Variants in PRKCA observed in about 807,000 individuals in gnomAD.
PRKCA encodes the protein protein kinase C alpha.
PRKCA carries 27 observed loss-of-function variants against 87.0 expected under a neutral mutation model. The observed-to-expected ratio is 0.31, with a 90% CI of 0.23 to 0.43. PRKCA has a LOEUF of 0.43. Among genes scored for constraint, PRKCA ranks in the 20% least tolerant of loss-of-function variants. The pLI, the probability that PRKCA is intolerant of heterozygous loss-of-function variation, is 1.00. For synonymous variants in PRKCA, 329 were observed against 311.1 expected (o/e 1.06, Z -0.61); for missense variants, 518 against 852.3 (o/e 0.61, Z 4.88).
chr17:66,636,210 C>A, intron 3 of PRKCA, among the ~76,000 whole-genome samples: 1 of 152,150 alleles, frequency 6.6e-6, no homozygotes. Flanking sequence ...GTTTTTAGGA[C>A]GAGTTGCTCT....
At chr17:66,608,948 C>G (rs1970279750) in intron 3 of PRKCA, among the ~76,000 whole-genome samples, 1 of 152,202 alleles carries the variant, frequency 6.6e-6, no homozygotes, top group South Asian at 2.1e-4. Flanking sequence ...TTGGGCAGCA[C>G]AATCAATCCG....
intron 2 of PRKCA, among the ~76,000 whole-genome samples, chr17:66,306,941 G>A (rs1239598255): frequency 1.3e-5 from 2 of 152,052 alleles, no homozygotes; most frequent in East Asian, 1.9e-4. Context: ...TCTGGGCATA[G>A]ATTTATTATT....
At chr17:66,549,524 G>C (rs1226614265) in intron 3 of PRKCA, among the ~76,000 whole-genome samples, 2 of 152,216 alleles carry the variant, frequency 1.3e-5, no homozygotes, top group African/African-American at 4.8e-5. Context: ...GGGAATGACA[G>C]TGCATTTGCC....
chr17:66,760,584 A>T (rs1974660597), intron 13 of PRKCA, among the ~76,000 whole-genome samples: 2 of 152,226 alleles, frequency 1.3e-5, no homozygotes, highest in South Asian at 4.1e-4. Context: ...GAAAACAGGG[A>T]AAGTCAACAA....
intron 2 of PRKCA, among the ~76,000 whole-genome samples, chr17:66,331,931 A>T (rs893273421): frequency 2.0e-5 from 3 of 152,238 alleles, no homozygotes; most frequent in African/African-American, 7.2e-5. Flanking sequence ...CCAAGACAAT[A>T]TAAACTACGC....
chr17:66,370,952 A>G (rs911994139), intron 2 of PRKCA, among the ~76,000 whole-genome samples: 2 of 152,216 alleles, frequency 1.3e-5, no homozygotes, highest in African/African-American at 4.8e-5. Flanking sequence ...ATGCAGGGGC[A>G]GGCTGGTTTG....
At chr17:66,481,462 A>G (rs922270114) in intron 2 of PRKCA, among the ~76,000 whole-genome samples, 8 of 151,984 alleles carry the variant, frequency 5.3e-5, no homozygotes, top group Non-Finnish European at 1.2e-4. Flanking sequence ...TCCTGATTTC[A>G]TGTAAGAGTG....
chr17:66,649,136 C>T (rs904861156), intron 5 of PRKCA, among the ~76,000 whole-genome samples: 1 of 151,752 alleles, frequency 6.6e-6, no homozygotes, highest in Non-Finnish European at 1.5e-5. Flanking sequence ...AATAGGTACC[C>T]GCATTAGTTA....
At chr17:66,505,358 C>G (rs958076178) in intron 3 of PRKCA, among the ~76,000 whole-genome samples, 1 of 152,200 alleles carries the variant, frequency 6.6e-6, no homozygotes, top group South Asian at 2.1e-4. Context: ...GTATTTGCCC[C>G]GTTGTCTGCA....
intron 2 of PRKCA, among the ~76,000 whole-genome samples, chr17:66,372,237 T>C (rs999472751): frequency 1.7e-4 from 26 of 152,200 alleles, no homozygotes; most frequent in Admixed American, 1.7e-3. Context: ...GAAACACTAT[T>C]TTAGTCCAGC....
At chr17:66,377,273 C>T (rs1909476410) in intron 2 of PRKCA, among the ~76,000 whole-genome samples, 1 of 151,986 alleles carries the variant, frequency 6.6e-6, no homozygotes, top group Admixed American at 6.6e-5. Context: ...GATCCTCCTG[C>T]CTCAGCCTTC....
At chr17:66,347,103 T>C (rs971103554) in intron 2 of PRKCA, among the ~76,000 whole-genome samples, 3 of 152,116 alleles carry the variant, frequency 2.0e-5, no homozygotes, top group African/African-American at 7.2e-5. Context: ...ATATTGGTCA[T>C]ATTAGAAATT....
At position 66,689,095 on chromosome 17, in the gene PRKCA, A is replaced by G. The variant is rs1598875398; in HGVS notation, c.918+48A>G. ...AAACACCTTTCCTTTAGAAAGCCCA[A>G]CTTCAGGAACGGCCGAGATGTTGTG... On this transcript the variant is annotated intron_variant, in intron 8 of 16. Coordinates refer to ENST00000413366, the MANE Select transcript of PRKCA (RefSeq NM_002737.3). The surrounding 1 kb of genome is among the most constrained non-coding windows in gnomAD (Gnocchi z 4.1). 4 of 1,243,260 alleles carry G rather than the reference A, an allele frequency of 3.2e-6. No individual in the cohort carries two copies. The highest frequency in any genetic ancestry group is 4.5e-6 in the Non-Finnish European group (4 of 879,324). The allele number at this position is 1,243,260 out of a possible 1,614,324, so 77.0% of individuals were successfully genotyped here.
chr17:66,711,123 G>T (rs990425410), intron 8 of PRKCA, among the ~76,000 whole-genome samples: 1 of 152,104 alleles, frequency 6.6e-6, no homozygotes, highest in Non-Finnish European at 1.5e-5. Flanking sequence ...AGTGATTAAA[G>T]TTCAAGTCTG....
chr17:66,647,758 G>A (rs1971493284), intron 5 of PRKCA, among the ~76,000 whole-genome samples: 1 of 152,168 alleles, frequency 6.6e-6, no homozygotes, highest in South Asian at 2.1e-4. Context: ...TGTAGAGTCA[G>A]CTTAAGGAAC....
intron 3 of PRKCA, among the ~76,000 whole-genome samples, chr17:66,563,260 A>G (rs1215168480): frequency 6.6e-6 from 1 of 152,184 alleles, no homozygotes; most frequent in Non-Finnish European, 1.5e-5. Flanking sequence ...CAAATGTGTC[A>G]TGGCCCGTAT....
intron 2 of PRKCA, among the ~76,000 whole-genome samples, chr17:66,430,295 A>G (rs1913036246): frequency 6.6e-6 from 1 of 151,954 alleles, no homozygotes; most frequent in African/African-American, 2.4e-5. Context: ...TGTGGTGCCC[A>G]TCCGGCATCA....
chr17:66,333,860 A>T (rs1322637577), intron 2 of PRKCA, among the ~76,000 whole-genome samples: 3 of 152,124 alleles, frequency 2.0e-5, no homozygotes, highest in African/African-American at 4.8e-5. Context: ...TATACTTTTT[A>T]AAAAAATGTG....
At chr17:66,375,339 C>T (rs376534788) in intron 2 of PRKCA, among the ~76,000 whole-genome samples, 50 of 152,114 alleles carry the variant, frequency 3.3e-4, no homozygotes, top group Admixed American at 9.2e-4. Flanking sequence ...TTAAGGGTAC[C>T]GGGTTTGTAC....
Sources: gnomAD v4.1 joint callset for allele counts (sites outside exome capture counted in the v4.1 genomes callset) on GRCh38, gnomAD v4.1.1 for gene constraint, Gnocchi (gnomAD v3.1) non-coding constraint, MANE v1.5 for transcripts, NCBI Gene and HGNC (gene_info 2026-07-23, HGNC 2026-07-21) for gene names.